PSMA5: variants seen among roughly 807,000 people sequenced by gnomAD.
PSMA5 encodes the protein proteasome subunit alpha type-5.
A neutral mutation model predicts 34.5 loss-of-function variants in PSMA5; 3 were observed. That is an observed-to-expected ratio of 0.09 (90% CI 0.04 to 0.22). The LOEUF is 0.22. Ranked by LOEUF, PSMA5 falls within the 10% of genes least tolerant of loss-of-function variation. The pLI is 1.00. For missense variants in PSMA5, 120 were observed against 286.1 expected (o/e 0.42, Z 4.19); for synonymous variants, 88 against 95.8 (o/e 0.92, Z 0.47).
At position 109,401,798 on chromosome 1, in the gene PSMA5, T is replaced by TAAA. The variant is rs11314171; in HGVS notation, c.*212_*214dup. 178 of 203,646 alleles carry TAAA rather than the reference T, an allele frequency of 8.7e-4. No individual in the cohort carries two copies. Among genetic ancestry groups the TAAA allele is most frequent in the African/African-American group, 3.2e-3 (107 of 33,884 alleles). 12.6% of individuals were successfully genotyped at this position (203,646 alleles called of 1,614,324 possible). A position where few individuals can be genotyped will look rare whatever the true frequency, so the allele number is the denominator to read the frequency against. On this transcript the variant is annotated 3_prime_UTR_variant, in exon 9 of 9. Transcript: ENST00000271308. The stretch of plus-strand genomic sequence containing the variant: ...GGCAATATAGTGAGACCTCATCTCT[T>TAAA]AAAAAAAAAAAAAAAAAAAAGACTA...
rs368796991 is a variant in PSMA5 at position 109,421,847 on chromosome 1, C to T, written c.96+13G>A. ...CCATGAAATTTCAGGACCTATGCTA[C>T]TTGCTACTATACCTTGATAGCCTCA... On this transcript the variant is annotated intron_variant, in intron 2 of 8. Transcript: ENST00000271308. 129 of 1,555,412 alleles carry T rather than the reference C, an allele frequency of 8.3e-5. No individual in the cohort carries two copies. In the South Asian group the frequency reaches 9.9e-4, roughly 12 times the overall value.
chr1:109,409,230 C>A (rs1325066530), intron 8 of PSMA5, among the ~76,000 whole-genome samples: 3 of 152,200 alleles, frequency 2.0e-5, no homozygotes, highest in African/African-American at 7.2e-5. Flanking sequence ...AATCTCAGCT[C>A]ACTGCAACTT....
rs767325616 is a variant in PSMA5, at chr1:109,426,369, T to C, written c.-39A>G. The C allele has an allele frequency of 8.7e-6, 14 of 1,613,148 alleles. No individual in the cohort carries two copies. The highest frequency in any genetic ancestry group is 1.2e-5 in the Non-Finnish European group (14 of 1,179,148). On this transcript the variant is annotated 5_prime_UTR_variant, in exon 1 of 9. Transcript: ENST00000271308. Reference sequence around the variant, plus strand: ...GGAGGCAGCGGCTACGCGGGGATTCTGAGGACCAACACGACTCCACCGGCA... The same window carrying C: ...GGAGGCAGCGGCTACGCGGGGATTCCGAGGACCAACACGACTCCACCGGCA...
chr1:109,402,708 T>C (rs999354380), intron 8 of PSMA5, among the ~76,000 whole-genome samples: 1 of 152,224 alleles, frequency 6.6e-6, no homozygotes, highest in African/African-American at 2.4e-5. Flanking sequence ...TTTTGTTTGT[T>C]TTTGGTTTTG....
intron 1 of PSMA5, 191 bp downstream of exon 1, chr1:109,426,111 A>G (rs543904559): frequency 1.4e-4 from 94 of 688,480 alleles, no homozygotes; most frequent in Middle Eastern, 8.3e-4. Context: ...ACTCAGCGGT[A>G]GGACAAGTGC....
In PSMA5 at chr1:109,401,597, C is replaced by T. The variant is rs1481532291; in HGVS notation, c.*416G>A. On this transcript the variant is annotated 3_prime_UTR_variant, in exon 9 of 9. Coordinates refer to ENST00000271308, the MANE Select transcript of PSMA5 (RefSeq NM_002790.4). Reference sequence around the variant, plus strand: ...ATCACTAAAACAGTTTTAGAACAGACATCTTCATAGAATAGGGATATTAAT... The same window carrying T: ...ATCACTAAAACAGTTTTAGAACAGATATCTTCATAGAATAGGGATATTAAT... The T allele has an allele frequency of 6.5e-6, 1 of 153,190 alleles. No homozygotes were observed. The highest frequency in any genetic ancestry group is 1.5e-5 in the Non-Finnish European group (1 of 68,838). The allele number at this position is 153,190 out of a possible 1,614,324, so 9.5% of individuals were successfully genotyped here.
At position 109,404,508 on chromosome 1, in the gene PSMA5, ACT is replaced by A. The variant is rs548203337; in HGVS notation, c.649-2420_649-2419del. 5.6e-3 allele frequency among the ~76,000 whole-genome samples: 846 copies of A among 152,212 alleles called. 2 individuals carry two copies. The highest frequency in any genetic ancestry group is 7.9e-3 in the Non-Finnish European group (537 of 68,012). Reference sequence around the variant, plus strand: ...GGGCTAAAAAGCAGAAACTGGGAAAACTCTGAGTGGAACAGTCCTACAGAAGA... The same window carrying A: ...GGGCTAAAAAGCAGAAACTGGGAAAACTGAGTGGAACAGTCCTACAGAAGA... On this transcript the variant is annotated intron_variant, in intron 8 of 8. Coordinates refer to ENST00000271308, the MANE Select transcript of PSMA5 (RefSeq NM_002790.4).
intron 2 of PSMA5, among the ~76,000 whole-genome samples, chr1:109,420,748 T>C (rs1023997585): frequency 6.6e-6 from 1 of 152,058 alleles, no homozygotes; most frequent in African/African-American, 2.4e-5. Flanking sequence ...GGCCCTTTTG[T>C]CCCCACCAGA....
intron 3 of PSMA5, 110 bp from the exon 4 acceptor site, chr1:109,413,245 T>C (rs1368815692): frequency 2.0e-5 from 19 of 945,214 alleles, no homozygotes; most frequent in Non-Finnish European, 2.9e-5. Context: ...CATTCAGCTA[T>C]CCCATGGCAT....
rs1466862795 is a variant in PSMA5, at chr1:109,400,980, C to T, written c.*1033G>A. 1 of 152,044 alleles carries T rather than the reference C, an allele frequency of 6.6e-6. No homozygotes were observed. Among genetic ancestry groups the T allele is most frequent in the Non-Finnish European group, 1.5e-5 (1 of 68,006 alleles). 9.4% of individuals were successfully genotyped at this position (152,044 alleles called of 1,614,324 possible). On this transcript the variant is annotated 3_prime_UTR_variant, in exon 9 of 9. Transcript: ENST00000271308. ...CAAGAAAATTTGAGCTGTTCAAGTC[C>T]CAACAGCTTAATTTTGTGTGTCCAT... is the stretch of plus-strand genomic sequence containing the variant.
At position 109,426,113 on chromosome 1, in the gene PSMA5, G is replaced by A. The variant is rs1038676027; in HGVS notation, c.29+189C>T. 5 of 705,466 alleles carry A rather than the reference G, an allele frequency of 7.1e-6. No individual in the cohort carries two copies. The African/African-American group carries it at 8.9e-5, about 13-fold the overall frequency. 43.7% of individuals were successfully genotyped at this position (705,466 alleles called of 1,614,324 possible). On this transcript the variant is annotated intron_variant, in intron 1 of 8. Coordinates refer to ENST00000271308, the MANE Select transcript of PSMA5 (RefSeq NM_002790.4). ...GGACCCAGGGGTGACTCAGCGGTAG[G>A]ACAAGTGCCGCCGATGTGGTCTAGC... is the stretch of plus-strand genomic sequence containing the variant.
chr1:109,402,544 A>G (rs114338562), intron 8 of PSMA5, among the ~76,000 whole-genome samples: 1,788 of 152,346 alleles, frequency 0.012, 12 homozygotes, highest in Non-Finnish European at 0.017. Flanking sequence ...AATGAGGACA[A>G]TAAGAATAGC....
chr1:109,414,638 A>C (rs774588837), intron 3 of PSMA5, among the ~76,000 whole-genome samples: 7 of 152,232 alleles, frequency 4.6e-5, no homozygotes, highest in African/African-American at 1.7e-4. Flanking sequence ...TTCAGTTTCT[A>C]TATCTATGAA....
chr1:109,426,105 A>G (rs1654645676), intron 1 of PSMA5, 197 bp downstream of exon 1: 4 of 670,814 alleles, frequency 6.0e-6, no homozygotes, highest in Non-Finnish European at 1.0e-5. Context: ...GGGGTGACTC[A>G]GCGGTAGGAC....
chr1:109,408,517 T>C (rs1321374243), intron 8 of PSMA5, among the ~76,000 whole-genome samples: 2 of 152,200 alleles, frequency 1.3e-5, no homozygotes, highest in Admixed American at 1.3e-4. Context: ...TGAATAGGAA[T>C]TGGATTTTCT....
At chr1:109,411,998 T>C in intron 5 of PSMA5, 63 bp from the exon 6 acceptor site, 1 of 1,586,972 alleles carries the variant, frequency 6.3e-7, no homozygotes, top group Non-Finnish European at 8.7e-7. Context: ...TGAGAGGGGC[T>C]GGGAATGTTA....
intron 2 of PSMA5, among the ~76,000 whole-genome samples, chr1:109,419,335 A>C (rs1654342281): frequency 6.6e-6 from 1 of 152,164 alleles, no homozygotes; most frequent in Non-Finnish European, 1.5e-5. Context: ...GAGAACAACC[A>C]GTCCAGACTG....
intron 7 of PSMA5, 56 bp downstream of exon 7, chr1:109,410,955 T>G: frequency 7.7e-7 from 1 of 1,297,370 alleles, no homozygotes; most frequent in Non-Finnish European, 1.1e-6. Flanking sequence ...CATTTTATTA[T>G]ATGTAAATTA....
chr1:109,419,448 AC>A (rs1008634059), intron 2 of PSMA5, among the ~76,000 whole-genome samples: 1 of 152,116 alleles, frequency 6.6e-6, no homozygotes, highest in Non-Finnish European at 1.5e-5. Context: ...TGGGCGGATC[AC>A]TTGAGCTCAG....
Sources: allele counts gnomAD v4.1 joint callset (sites outside exome capture counted in the v4.1 genomes callset), GRCh38; gene constraint gnomAD v4.1.1; transcripts MANE v1.5; gene names NCBI Gene and HGNC (gene_info 2026-07-23, HGNC 2026-07-21).